The following ENPEP variants were observed in gnomAD, a reference collection of about 807,000 sequenced individuals.
The protein encoded by ENPEP is glutamyl aminopeptidase.
Under a neutral mutation model 114.5 loss-of-function variants are expected in ENPEP, and 103 were observed. The observed-to-expected ratio is 0.90, with a 90% CI of 0.77 to 1.06. ENPEP has a LOEUF of 1.06. Ranked by LOEUF, ENPEP falls within the 50% of genes least tolerant of loss-of-function variation. The probability of loss-of-function intolerance (pLI) is 0.00; values close to 1 mark genes in which losing one functional copy is unlikely to be tolerated. For missense variants in ENPEP, 1,196 were observed against 1,161.3 expected (o/e 1.03, Z -0.43); for synonymous variants, 420 against 422.0 (o/e 1.00, Z 0.06).
At chr4:110,541,681 A>C (rs1279487629) in intron 11 of ENPEP, among the ~76,000 whole-genome samples, 1 of 152,122 alleles carries the variant, frequency 6.6e-6, no homozygotes, top group East Asian at 1.9e-4. Flanking sequence ...GATTCTTAAC[A>C]TGGCATGTGG....
chr4:110,541,028 T>C (rs558550474), intron 11 of ENPEP, among the ~76,000 whole-genome samples: 60 of 152,268 alleles, frequency 3.9e-4, no homozygotes, highest in Admixed American at 2.8e-3. Flanking sequence ...CTGTAACATA[T>C]GGCTTTATGC....
At chr4:110,490,077 A>G (rs1724648291) in intron 2 of ENPEP, among the ~76,000 whole-genome samples, 1 of 152,040 alleles carries the variant, frequency 6.6e-6, no homozygotes, top group African/African-American at 2.4e-5. Context: ...AGGTGGGGGG[A>G]AAAAATGGCA....
intron 3 of ENPEP, among the ~76,000 whole-genome samples, chr4:110,502,783 G>GT (rs1169329677): frequency 3.3e-5 from 5 of 152,014 alleles, no homozygotes; most frequent in Non-Finnish European, 7.4e-5. Flanking sequence ...TTTTAAAATA[G>GT]TTTTTTTCTA....
intron 3 of ENPEP, among the ~76,000 whole-genome samples, chr4:110,501,697 G>A (rs1725163207): frequency 6.6e-6 from 1 of 152,184 alleles, no homozygotes; most frequent in Non-Finnish European, 1.5e-5. Context: ...ATGAAAATAA[G>A]TTGATTCCAT....
intron 11 of ENPEP, among the ~76,000 whole-genome samples, chr4:110,542,100 G>A (rs182017062): frequency 1.7e-3 from 252 of 152,152 alleles, no homozygotes; most frequent in African/African-American, 5.9e-3. Flanking sequence ...GAAGTAGACG[G>A]CTTTACAAAG....
At chr4:110,513,586 G>A (rs750956892) in intron 7 of ENPEP, 37 bp downstream of exon 7, 2 of 1,606,284 alleles carry the variant, frequency 1.2e-6, no homozygotes, top group South Asian at 2.2e-5. Flanking sequence ...ACATCTTCCT[G>A]TTTAGTGACT....
chr4:110,492,913 G>A (rs1276010054), intron 3 of ENPEP, among the ~76,000 whole-genome samples: 1 of 152,128 alleles, frequency 6.6e-6, no homozygotes, highest in African/African-American at 2.4e-5. Flanking sequence ...CCCATACCAA[G>A]TTTTAAAAAT....
chr4:110,502,638 A>G (rs1043938632), intron 3 of ENPEP, among the ~76,000 whole-genome samples: 3 of 151,916 alleles, frequency 2.0e-5, no homozygotes, highest in African/African-American at 7.3e-5. Context: ...CTGTGTGTCT[A>G]TTTTTGTCTT....
chr4:110,511,339 C>T (rs1193724886), intron 6 of ENPEP, among the ~76,000 whole-genome samples: 1 of 151,994 alleles, frequency 6.6e-6, no homozygotes, highest in South Asian at 2.1e-4. Flanking sequence ...CTTTCCTGTG[C>T]GTTATAGGAT....
chr4:110,526,956 T>C (rs1200106038), intron 10 of ENPEP, among the ~76,000 whole-genome samples: 3 of 152,184 alleles, frequency 2.0e-5, no homozygotes, highest in Admixed American at 2.0e-4. Flanking sequence ...CCTTTTAGAA[T>C]ATTGTTCTCA....
At chr4:110,483,433 CA>C (rs1724387613) in intron 1 of ENPEP, among the ~76,000 whole-genome samples, 1 of 151,974 alleles carries the variant, frequency 6.6e-6, no homozygotes, top group Non-Finnish European at 1.5e-5. Flanking sequence ...AACAGCATGC[CA>C]GATGATTTAT....
chr4:110,483,604 G>A lies in ENPEP; in HGVS notation c.645-4937G>A, dbSNP rs574893666. On this transcript the variant is annotated intron_variant, in intron 1 of 19. Coordinates refer to ENST00000265162, the MANE Select transcript of ENPEP (RefSeq NM_001977.4). ...AGAAATGCTCTTCCCTTTTGGAAAC[G>A]ACTAAATTGCATAGACTATCATTTT... 7.7e-4 allele frequency among the ~76,000 whole-genome samples: 117 copies of A among 152,212 alleles called. 1 individual carries two copies. The highest frequency in any genetic ancestry group is 2.5e-3 in the African/African-American group (102 of 41,508).
intron 3 of ENPEP, among the ~76,000 whole-genome samples, chr4:110,502,451 A>G (rs937396427): frequency 1.3e-5 from 2 of 152,112 alleles, no homozygotes; most frequent in Admixed American, 6.5e-5. Flanking sequence ...ACTTTTGTAT[A>G]TGGTGTAAGG....
intron 3 of ENPEP, among the ~76,000 whole-genome samples, chr4:110,491,587 G>A (rs1724722933): frequency 1.3e-5 from 2 of 152,076 alleles, no homozygotes; most frequent in Non-Finnish European, 2.9e-5. Context: ...AAAGTTTATG[G>A]CTCCATTCCT....
rs1724093998 is a variant in ENPEP at position 110,476,323 on chromosome 4, G to A, written c.-92G>A. On this transcript the variant is annotated 5_prime_UTR_variant, in exon 1 of 20. Coordinates refer to ENST00000265162, the MANE Select transcript of ENPEP (RefSeq NM_001977.4). ...AGCGAAAACAGGCTGCCAAATCAGG[G>A]GATTCCTTCCAATTTAAAAAGGAAG... 6.8e-7 allele frequency: 1 copy of A among 1,461,360 alleles called. No homozygotes were observed. The highest frequency in any genetic ancestry group is 2.3e-5 in the Admixed American group (1 of 42,926). The allele number at this position is 1,461,360 out of a possible 1,614,324, so 90.5% of individuals were successfully genotyped here.
intron 3 of ENPEP, among the ~76,000 whole-genome samples, chr4:110,495,024 G>A (rs1182386350): frequency 6.6e-6 from 1 of 152,086 alleles, no homozygotes; most frequent in Non-Finnish European, 1.5e-5. Flanking sequence ...TTTTAGTTAT[G>A]TGAACAAACT....
intron 8 of ENPEP, among the ~76,000 whole-genome samples, chr4:110,518,108 C>T (rs1353600116): frequency 1.3e-5 from 2 of 152,184 alleles, no homozygotes; most frequent in South Asian, 2.1e-4. Flanking sequence ...CTTTCATGCT[C>T]ATCACCTTGC....
chr4:110,479,957 C>A (rs963495323), intron 1 of ENPEP, among the ~76,000 whole-genome samples: 8 of 152,158 alleles, frequency 5.3e-5, no homozygotes, highest in Admixed American at 6.5e-5. Flanking sequence ...TACACAAATA[C>A]TCTCACTCTT....
chr4:110,531,156 T>C (rs56280650), intron 10 of ENPEP, 42 bp from the exon 11 acceptor site: 35,655 of 1,218,406 alleles, frequency 0.029, 635 homozygotes, highest in Non-Finnish European at 0.034. Flanking sequence ...ATTTTATCTT[T>C]TAGTAATAAA....
Sources: allele counts gnomAD v4.1 joint callset (sites outside exome capture counted in the v4.1 genomes callset), GRCh38; gene constraint gnomAD v4.1.1; transcripts MANE v1.5; gene names NCBI Gene and HGNC (gene_info 2026-07-23, HGNC 2026-07-21).